Variants in GRIK1 observed in about 807,000 individuals in gnomAD.
The protein encoded by GRIK1 is glutamate receptor ionotropic, kainate 1.
Under a neutral mutation model 105.7 loss-of-function variants are expected in GRIK1, and 69 were observed. The observed-to-expected ratio is 0.65, with a 90% CI of 0.54 to 0.80. The LOEUF is 0.80. Ranked by LOEUF, GRIK1 falls within the 30% of genes least tolerant of loss-of-function variation. The probability of loss-of-function intolerance (pLI) is 0.00; values close to 1 mark genes in which losing one functional copy is unlikely to be tolerated. For synonymous variants in GRIK1, 438 were observed against 431.3 expected (o/e 1.02, Z -0.19); for missense variants, 1,109 against 1,167.3 (o/e 0.95, Z 0.73).
chr21:29,937,974 C>T (rs2071830643), intron 1 of GRIK1, among the ~76,000 whole-genome samples: 1 of 152,190 alleles, frequency 6.6e-6, no homozygotes, highest in East Asian at 1.9e-4. Flanking sequence ...ATACAATGCA[C>T]ATTAAAATTA....
chr21:29,905,090 A>G (rs544374316), intron 1 of GRIK1, among the ~76,000 whole-genome samples: 205 of 152,330 alleles, frequency 1.3e-3, no homozygotes, highest in Non-Finnish European at 2.2e-3. Flanking sequence ...TCAGAGTGCC[A>G]TTATTTAAAC....
chr21:29,912,747 C>G, intron 1 of GRIK1, among the ~76,000 whole-genome samples: 1 of 151,982 alleles, frequency 6.6e-6, no homozygotes, highest in Non-Finnish European at 1.5e-5. Context: ...GGGGTTGAGA[C>G]CTGGTTGAAA....
chr21:29,606,664 T>A (rs972522818), intron 7 of GRIK1, among the ~76,000 whole-genome samples: 4 of 124,582 alleles, frequency 3.2e-5, no homozygotes, highest in Non-Finnish European at 6.3e-5. Context: ...CATCTTTTTT[T>A]AAAAACAAAA....
chr21:29,707,367 A>C (rs2063932246), intron 1 of GRIK1, among the ~76,000 whole-genome samples: 1 of 150,284 alleles, frequency 6.7e-6, no homozygotes, highest in African/African-American at 2.5e-5. Context: ...TTTCCTACAC[A>C]TACCTGAATT....
intron 1 of GRIK1, among the ~76,000 whole-genome samples, chr21:29,804,046 G>C (rs2066786620): frequency 6.6e-6 from 1 of 152,086 alleles, no homozygotes; most frequent in African/African-American, 2.4e-5. Flanking sequence ...AAGGGTTGGA[G>C]GATGGACAGA....
intron 1 of GRIK1, among the ~76,000 whole-genome samples, chr21:29,705,745 G>T (rs1371587377): frequency 6.6e-6 from 1 of 152,120 alleles, no homozygotes; most frequent in Non-Finnish European, 1.5e-5. Flanking sequence ...TGGTCTGTAT[G>T]TCTATGAAAA....
At chr21:29,543,689 A>T (rs2090006512) in intron 16 of GRIK1, among the ~76,000 whole-genome samples, 1 of 152,160 alleles carries the variant, frequency 6.6e-6, no homozygotes, top group African/African-American at 2.4e-5. Context: ...CTGAGAGCTA[A>T]TGAGAAAGCT....
chr21:29,828,191 T>C (rs1227791317), intron 1 of GRIK1, among the ~76,000 whole-genome samples: 3 of 151,950 alleles, frequency 2.0e-5, no homozygotes, highest in African/African-American at 4.8e-5. Flanking sequence ...CTTCCTTCTA[T>C]TGGTCAGGGA....
At position 29,553,686 on chromosome 21, in the gene GRIK1, C is replaced by T; in HGVS notation, c.2607+1366G>A. 6.4e-7 allele frequency: 1 copy of T among 1,570,568 alleles called. No homozygotes were observed. Among genetic ancestry groups the T allele is most frequent in the Non-Finnish European group, 8.6e-7 (1 of 1,162,372 alleles). Reference sequence around the variant, plus strand: ...GGATGGGTTTGCTTACATTGCAGTCCATAAAAGAAACAAAAAGCCTTGCAT... The same window carrying T: ...GGATGGGTTTGCTTACATTGCAGTCTATAAAAGAAACAAAAAGCCTTGCAT... On this transcript the variant is annotated intron_variant, in intron 16 of 17. Transcript: ENST00000327783.
intron 1 of GRIK1, among the ~76,000 whole-genome samples, chr21:29,747,365 G>A (rs1379513579): frequency 6.6e-6 from 1 of 152,192 alleles, no homozygotes; most frequent in Non-Finnish European, 1.5e-5. Context: ...TTACACATCA[G>A]ATTAATCTCC....
intron 1 of GRIK1, among the ~76,000 whole-genome samples, chr21:29,822,521 C>T (rs937254870): frequency 6.6e-6 from 1 of 152,022 alleles, no homozygotes; most frequent in Non-Finnish European, 1.5e-5. Context: ...TAGACGGCCC[C>T]TCATCCACAA....
intron 1 of GRIK1, among the ~76,000 whole-genome samples, chr21:29,824,486 T>C (rs1001113405): frequency 6.6e-6 from 1 of 151,882 alleles, no homozygotes; most frequent in African/African-American, 2.4e-5. Context: ...AAAAGAAGGA[T>C]CATTGTATGG....
rs368404991 is a variant in GRIK1 at position 29,598,933 on chromosome 21, C to T, written c.1103G>A (p.Arg368Gln). 9.2e-6 allele frequency: 14 copies of T among 1,514,672 alleles called. No individual in the cohort carries two copies. The highest frequency in any genetic ancestry group is 4.6e-5 in the East Asian group (2 of 43,748). 93.8% of individuals were successfully genotyped at this position (1,514,672 alleles called of 1,614,324 possible). A position where few individuals can be genotyped will look rare whatever the true frequency, so the allele number is the denominator to read the frequency against. The stretch of plus-strand genomic sequence containing the variant: ...GATATGCCCAGTCAAGCCATCCCAC[C>T]GGGCCTGTGGACAAGAAGAAATGTG... Reference protein sequence around the residue: ...PRFMNLIKEARWDGLTGHITF... With the variant: ...PRFMNLIKEAQWDGLTGHITF... The change falls in exon 8 of 18, where the codon CGG becomes CAG. Residue 368 changes from arginine to glutamine, a missense_variant. Transcript: ENST00000327783.
intron 1 of GRIK1, among the ~76,000 whole-genome samples, chr21:29,914,379 G>A (rs921292136): frequency 3.9e-5 from 6 of 152,010 alleles, no homozygotes; most frequent in East Asian, 3.9e-4. Flanking sequence ...GAAAGCTCCC[G>A]AAGTAAGGCA....
intron 7 of GRIK1, among the ~76,000 whole-genome samples, chr21:29,624,956 C>T (rs1181459262): frequency 6.6e-6 from 1 of 152,226 alleles, no homozygotes; most frequent in Non-Finnish European, 1.5e-5. Context: ...CTTTCTTCTT[C>T]CCTTCTCACT....
intron 1 of GRIK1, among the ~76,000 whole-genome samples, chr21:29,826,540 G>C (rs1352928038): frequency 6.6e-6 from 1 of 152,098 alleles, no homozygotes; most frequent in African/African-American, 2.4e-5. Flanking sequence ...ATGGCCTTCA[G>C]ATTTAAAAGG....
intron 7 of GRIK1, among the ~76,000 whole-genome samples, chr21:29,620,780 TAG>T (rs201094429): frequency 0.075 from 9,368 of 124,432 alleles, 765 homozygotes; most frequent in East Asian, 0.21. Context: ...CATATATATA[TAG>T]ATATATATAT....
At chr21:29,625,104 A>C (rs2062094220) in intron 7 of GRIK1, among the ~76,000 whole-genome samples, 1 of 152,194 alleles carries the variant, frequency 6.6e-6, no homozygotes, top group Non-Finnish European at 1.5e-5. Context: ...TATCTTCCGT[A>C]CTGTGGATTG....
intron 1 of GRIK1, among the ~76,000 whole-genome samples, chr21:29,791,186 A>G (rs1230699846): frequency 6.6e-6 from 1 of 152,134 alleles, no homozygotes; most frequent in Non-Finnish European, 1.5e-5. Context: ...AGCCCATGGG[A>G]CTTCGCAAGA....
Sources: gnomAD v4.1 joint callset for allele counts (sites outside exome capture counted in the v4.1 genomes callset) on GRCh38, gnomAD v4.1.1 for gene constraint, MANE v1.5 for transcripts, NCBI Gene and HGNC (gene_info 2026-07-23, HGNC 2026-07-21) for gene names.